The following GMPR variants were observed in gnomAD, a reference collection of about 807,000 sequenced individuals.
GMPR encodes the protein guanosine monophosphate reductase.
A neutral mutation model predicts 38.4 loss-of-function variants in GMPR; 31 were observed. The observed-to-expected ratio is 0.81, with a 90% CI of 0.61 to 1.09. The LOEUF (loss-of-function observed/expected upper bound fraction) is 1.09. Among genes scored for constraint, GMPR ranks in the 50% least tolerant of loss-of-function variants. The pLI is 0.00. For missense variants in GMPR, 468 were observed against 453.7 expected (o/e 1.03, Z -0.29); for synonymous variants, 162 against 173.3 (o/e 0.93, Z 0.51).
intron 5 of GMPR, among the ~76,000 whole-genome samples, chr6:16,277,862 G>A (rs1286759618): frequency 6.6e-6 from 1 of 152,172 alleles, no homozygotes; most frequent in Non-Finnish European, 1.5e-5. Flanking sequence ...AAGGTGGGAA[G>A]AAACTTGCCC....
At chr6:16,247,581 G>A (rs1758783839) in intron 2 of GMPR, among the ~76,000 whole-genome samples, 3 of 152,142 alleles carry the variant, frequency 2.0e-5, no homozygotes, top group Admixed American at 2.0e-4. Context: ...CACCGTGTTG[G>A]CCAAGCTGGC....
intron 5 of GMPR, among the ~76,000 whole-genome samples, chr6:16,277,812 G>A (rs151316889): frequency 6.6e-6 from 1 of 152,240 alleles, no homozygotes; most frequent in East Asian, 1.9e-4. Context: ...TGGTACAGAG[G>A]GGAGTGTCCA....
intron 3 of GMPR, among the ~76,000 whole-genome samples, chr6:16,253,623 G>T (rs1259863333): frequency 6.6e-6 from 1 of 152,144 alleles, no homozygotes; most frequent in Non-Finnish European, 1.5e-5. Flanking sequence ...CACTGGGGGG[G>T]GGTCATATTT....
At chr6:16,257,274 CT>C (rs1759000459) in intron 4 of GMPR, among the ~76,000 whole-genome samples, 1 of 152,194 alleles carries the variant, frequency 6.6e-6, no homozygotes, top group Non-Finnish European at 1.5e-5. Flanking sequence ...GTCCAGCACT[CT>C]GGACTCTTCC....
At chr6:16,266,610 G>C (rs1759241090) in intron 4 of GMPR, among the ~76,000 whole-genome samples, 1 of 151,556 alleles carries the variant, frequency 6.6e-6, no homozygotes, top group Non-Finnish European at 1.5e-5. Flanking sequence ...TAACCATCCT[G>C]GCTAACACGG....
rs141415152 is a variant in GMPR at position 16,263,550 on chromosome 6, A to G, written c.465+8815A>G. On this transcript the variant is annotated intron_variant, in intron 4 of 8. Coordinates refer to ENST00000259727, the MANE Select transcript of GMPR (RefSeq NM_006877.4). ...GGTTCAGGGGTTCTTACCTTCCAGA[A>G]AAGCGGGAAAGGGGTTGGGGCGTGG... 3.8e-4 allele frequency among the ~76,000 whole-genome samples: 57 copies of G among 151,732 alleles called. 1 individual carries two copies. The East Asian group carries it at 0.01, about 27-fold the overall frequency.
At chr6:16,256,661 TG>T (rs1758985172) in intron 4 of GMPR, among the ~76,000 whole-genome samples, 1 of 152,104 alleles carries the variant, frequency 6.6e-6, no homozygotes, top group East Asian at 1.9e-4. Flanking sequence ...CTTTTGATAA[TG>T]ATGTTTGTTG....
chr6:16,283,216 A>G (rs1273887672), intron 6 of GMPR, among the ~76,000 whole-genome samples: 1 of 152,222 alleles, frequency 6.6e-6, no homozygotes, highest in Non-Finnish European at 1.5e-5. Context: ...TCTTTTGGAA[A>G]AACAAAAAAA....
chr6:16,256,704 G>A (rs1415550723), intron 4 of GMPR, among the ~76,000 whole-genome samples: 1 of 152,160 alleles, frequency 6.6e-6, no homozygotes, highest in African/African-American at 2.4e-5. Context: ...ATGTATATGT[G>A]TTTATTGGTC....
intron 6 of GMPR, among the ~76,000 whole-genome samples, chr6:16,283,998 G>A (rs1759624697): frequency 6.6e-6 from 1 of 152,210 alleles, no homozygotes; most frequent in South Asian, 2.1e-4. Flanking sequence ...GCATTAACAA[G>A]GGGTATAGAG....
At chr6:16,255,069 T>TG (rs1188376168) in intron 4 of GMPR, among the ~76,000 whole-genome samples, 3 of 151,706 alleles carry the variant, frequency 2.0e-5, no homozygotes, top group African/African-American at 7.3e-5. Flanking sequence ...TGGAGTACAG[T>TG]GGGGTGATCT....
chr6:16,266,886 G>A (rs191935154), intron 4 of GMPR, among the ~76,000 whole-genome samples: 7 of 151,812 alleles, frequency 4.6e-5, no homozygotes, highest in Admixed American at 2.0e-4. Context: ...CGGGAGGAAC[G>A]AACAACTCCG....
intron 7 of GMPR, among the ~76,000 whole-genome samples, chr6:16,289,219 C>T (rs998727554): frequency 5.9e-5 from 9 of 152,176 alleles, no homozygotes; most frequent in African/African-American, 1.7e-4. Flanking sequence ...AGGAAAAAGC[C>T]TCAGCCGCGC....
intron 6 of GMPR, among the ~76,000 whole-genome samples, chr6:16,285,055 A>G (rs1759652388): frequency 6.7e-6 from 1 of 150,066 alleles, no homozygotes; most frequent in South Asian, 2.1e-4. Flanking sequence ...AACAGAAAAG[A>G]AAAGAAAATT....
chr6:16,291,375 C>G (rs1201061821), intron 8 of GMPR, among the ~76,000 whole-genome samples: 1 of 152,050 alleles, frequency 6.6e-6, no homozygotes, highest in African/African-American at 2.4e-5. Flanking sequence ...AGGTACCCCC[C>G]ATCATGTCCA....
chr6:16,274,337 G>A lies in GMPR; in HGVS notation c.466-78G>A, dbSNP rs1277993573. 3.6e-5 allele frequency: 32 copies of A among 899,818 alleles called. 1 individual carries two copies. Among genetic ancestry groups the A allele is most frequent in the Middle Eastern group, 4.3e-4 (2 of 4,676 alleles). 55.7% of individuals were successfully genotyped at this position (899,818 alleles called of 1,614,324 possible). A position where few individuals can be genotyped will look rare whatever the true frequency, so the allele number is the denominator to read the frequency against. On this transcript the variant is annotated intron_variant, in intron 4 of 8. Coordinates refer to ENST00000259727, the MANE Select transcript of GMPR (RefSeq NM_006877.4). ...GTGGCTTTAGGACATGCACATCCTC[G>A]TGTTCAGGTGTGGGGTTCCTCACCT...
chr6:16,283,734 T>G (rs1329697028), intron 6 of GMPR, among the ~76,000 whole-genome samples: 2 of 152,122 alleles, frequency 1.3e-5, no homozygotes, highest in African/African-American at 4.8e-5. Context: ...AATAAGAAAT[T>G]TTCAGGACAC....
At position 16,238,785 on chromosome 6, in the gene GMPR, G is replaced by A. The variant is rs1192264972; in HGVS notation, c.87+5G>A. On this transcript the variant is annotated splice_donor_5th_base_variant and intron_variant, in intron 1 of 8. Transcript: ENST00000259727. ...AGCCTCAAGAGCCGAGCCGAGGTGGGGGACGTTCGGAAGTCGCAGTGGGGT... is the reference window on the plus strand; with the variant it reads ...AGCCTCAAGAGCCGAGCCGAGGTGGAGGACGTTCGGAAGTCGCAGTGGGGT... 2 of 1,442,852 alleles carry A rather than the reference G, an allele frequency of 1.4e-6. No homozygotes were observed. Among genetic ancestry groups the A allele is most frequent in the East Asian group, 2.8e-5 (1 of 35,620 alleles). 89.4% of individuals were successfully genotyped at this position (1,442,852 alleles called of 1,614,324 possible). A position where few individuals can be genotyped will look rare whatever the true frequency, so the allele number is the denominator to read the frequency against.
intron 1 of GMPR, among the ~76,000 whole-genome samples, chr6:16,245,361 A>C (rs1758732748): frequency 6.6e-6 from 1 of 152,224 alleles, no homozygotes; most frequent in Non-Finnish European, 1.5e-5. Flanking sequence ...AGAAATGTAA[A>C]GGCTAAAGGG....
Sources: gnomAD v4.1 joint callset for allele counts (sites outside exome capture counted in the v4.1 genomes callset) on GRCh38, gnomAD v4.1.1 for gene constraint, MANE v1.5 for transcripts, NCBI Gene and HGNC (gene_info 2026-07-23, HGNC 2026-07-21) for gene names.